The following CCDC18 variants were observed in gnomAD, a reference collection of about 807,000 sequenced individuals.
CCDC18 encodes coiled-coil domain-containing protein 18.
CCDC18 carries 157 observed loss-of-function variants against 196.0 expected under a neutral mutation model. The observed-to-expected ratio is 0.80, with a 90% confidence interval of 0.70 to 0.91. The LOEUF (loss-of-function observed/expected upper bound fraction) is 0.91, where lower values mean the gene tolerates loss of function less well. CCDC18 is among the 40% of genes least tolerant of loss of function. The pLI is 0.00. For synonymous variants in CCDC18, 482 were observed against 529.2 expected (o/e 0.91, Z 1.22); for missense variants, 1,465 against 1,611.6 (o/e 0.91, Z 1.56).
chr1:93,264,599 T>A (rs1166428386), intron 26 of CCDC18, 102 bp from the exon 27 acceptor site: 3 of 679,198 alleles, frequency 4.4e-6, no homozygotes, highest in East Asian at 2.7e-5. Flanking sequence ...TTACTTTTTT[T>A]AAAGAAAAAG....
intron 12 of CCDC18, among the ~76,000 whole-genome samples, chr1:93,215,806 ATT>A (rs1035587806): frequency 2.0e-5 from 3 of 152,106 alleles, no homozygotes; most frequent in Admixed American, 6.6e-5. Context: ...AAGAGTCTGT[ATT>A]TTTAAACAAC....
chr1:93,188,723 A>G (rs1012935421), intron 4 of CCDC18, among the ~76,000 whole-genome samples: 1 of 152,152 alleles, frequency 6.6e-6, no homozygotes, highest in African/African-American at 2.4e-5. Context: ...AAAACTGCAC[A>G]ACAAGTTGTC....
intron 28 of CCDC18, among the ~76,000 whole-genome samples, chr1:93,275,617 G>C (rs963692983): frequency 1.3e-5 from 2 of 152,142 alleles, no homozygotes; most frequent in African/African-American, 4.8e-5. Flanking sequence ...TATCTGATTG[G>C]GGGTAGGATA....
chr1:93,191,944 C>A, intron 4 of CCDC18, 56 bp from the exon 5 acceptor site: 1 of 1,241,640 alleles, frequency 8.1e-7, no homozygotes, highest in South Asian at 1.3e-5. Flanking sequence ...AAACTAAGGA[C>A]CAAGTAGGTT....
chr1:93,252,145 C>T (rs1662347008), intron 23 of CCDC18, among the ~76,000 whole-genome samples: 1 of 152,100 alleles, frequency 6.6e-6, no homozygotes, highest in Non-Finnish European at 1.5e-5. Flanking sequence ...TCAAAGAATC[C>T]TCCCACTTCC....
At chr1:93,239,207 C>A (rs1660438533) in intron 19 of CCDC18, 103 bp from the exon 20 acceptor site, 2 of 808,588 alleles carry the variant, frequency 2.5e-6, no homozygotes, top group South Asian at 2.8e-5. Flanking sequence ...AGATATTTTG[C>A]TGATATTTGT....
chr1:93,234,936 A>AGGTGTGT (rs1553178273), intron 18 of CCDC18, among the ~76,000 whole-genome samples: 1 of 119,348 alleles, frequency 8.4e-6, no homozygotes, highest in African/African-American at 3.4e-5. Context: ...CCCAGCTAAG[A>AGGTGTGT]GTGTGTGTGT....
Position 93,270,653 on chromosome 1 carries a change from T to C in CCDC18, c.4192T>C (p.Tyr1398His). The C allele has an allele frequency of 6.4e-7, 1 of 1,550,426 alleles. No homozygotes were observed. Among genetic ancestry groups the C allele is most frequent in the Non-Finnish European group, 8.7e-7 (1 of 1,146,896 alleles). ...AGAAGAAAGCCATAAGAATCTGACT[T>C]ACACCCAGCCAGACTCATTTAAACC... The part of the protein sequence containing the change: ...TLEESHKNLT[Y>H]TQPDSFKPLT... The change falls in exon 28 of 29, where the codon TAC (tyrosine) becomes CAC (histidine). Residue 1398 changes from tyrosine (Y) to histidine (H), a missense_variant. By Grantham distance (83) the Tyr-to-His change is moderately conservative. Coordinates refer to ENST00000690025, the MANE Select transcript of CCDC18 (RefSeq NM_001378204.1).
intron 16 of CCDC18, among the ~76,000 whole-genome samples, chr1:93,226,092 A>G (rs1417721090): frequency 6.6e-6 from 1 of 152,042 alleles, no homozygotes; most frequent in Non-Finnish European, 1.5e-5. Context: ...TGCCCTTCTA[A>G]ACTTGTCCAA....
chr1:93,195,668 T>C (rs1319164867), intron 6 of CCDC18, among the ~76,000 whole-genome samples: 2 of 152,170 alleles, frequency 1.3e-5, no homozygotes, highest in Non-Finnish European at 2.9e-5. Flanking sequence ...CTTTTTTCCT[T>C]TCTGTCATGT....
chr1:93,185,194 A>C, intron 3 of CCDC18, among the ~76,000 whole-genome samples: 1 of 151,946 alleles, frequency 6.6e-6, no homozygotes, highest in East Asian at 1.9e-4. Flanking sequence ...GTTCTTACCT[A>C]TAGAATTATT....
chr1:93,213,986 T>C (rs1210108719), intron 11 of CCDC18, among the ~76,000 whole-genome samples: 1 of 152,240 alleles, frequency 6.6e-6, no homozygotes, highest in Non-Finnish European at 1.5e-5. Context: ...CATGTAATCA[T>C]CTACATTATG....
intron 2 of CCDC18, among the ~76,000 whole-genome samples, chr1:93,183,770 A>C (rs1297475004): frequency 6.6e-6 from 1 of 151,290 alleles, no homozygotes; most frequent in Non-Finnish European, 1.5e-5. Flanking sequence ...ATCTTAAGTA[A>C]TCTTAGCGTA....
chr1:93,235,373 G>A (rs1430093910), intron 18 of CCDC18, among the ~76,000 whole-genome samples: 1 of 152,174 alleles, frequency 6.6e-6, no homozygotes, highest in Non-Finnish European at 1.5e-5. Context: ...AGGAAGGAAT[G>A]AATGTTGCTG....
chr1:93,196,113 A>G (rs1314357131), intron 6 of CCDC18, among the ~76,000 whole-genome samples: 2 of 152,180 alleles, frequency 1.3e-5, no homozygotes, highest in Non-Finnish European at 2.9e-5. Flanking sequence ...ACTTGAGCTC[A>G]TGAGTTCAGG....
At chr1:93,193,781 G>T in intron 6 of CCDC18, 37 bp downstream of exon 6, 1 of 1,475,490 alleles carries the variant, frequency 6.8e-7, no homozygotes, top group South Asian at 1.4e-5. Flanking sequence ...TTTTTGAAAG[G>T]GAATAAAAGG....
chr1:93,252,412 TATTTC>T (rs980720643), intron 23 of CCDC18, among the ~76,000 whole-genome samples: 12 of 152,222 alleles, frequency 7.9e-5, no homozygotes, highest in African/African-American at 2.9e-4. Flanking sequence ...TGATGCTCTT[TATTTC>T]ATTTTTCACT....
chr1:93,214,195 G>A (rs1434381929), intron 11 of CCDC18, among the ~76,000 whole-genome samples: 1 of 152,162 alleles, frequency 6.6e-6, no homozygotes, highest in Non-Finnish European at 1.5e-5. Flanking sequence ...GAATAGCTCA[G>A]ATAACAGGTG....
chr1:93,217,705 A>G (rs769455128), intron 13 of CCDC18, 33 bp from the exon 14 acceptor site: 1 of 1,569,840 alleles, frequency 6.4e-7, no homozygotes, highest in South Asian at 1.2e-5. Flanking sequence ...TCCCAAATCA[A>G]TTATACTCCT....
Sources: gnomAD v4.1 joint callset for allele counts (sites outside exome capture counted in the v4.1 genomes callset) on GRCh38, gnomAD v4.1.1 for gene constraint, MANE v1.5 for transcripts, NCBI Gene and HGNC (gene_info 2026-07-23, HGNC 2026-07-21) for gene names.